Variants in ARIH2 observed in about 807,000 individuals in gnomAD.
ARIH2 encodes the protein E3 ubiquitin-protein ligase ARIH2.
Under a neutral mutation model 79.8 loss-of-function variants are expected in ARIH2, and 12 were observed. That is an observed-to-expected ratio of 0.15 (90% CI 0.10 to 0.24). The LOEUF (loss-of-function observed/expected upper bound fraction) is 0.24, where lower values mean the gene tolerates loss of function less well. Among genes scored for constraint, ARIH2 ranks in the 10% least tolerant of loss-of-function variants. ARIH2 has a pLI of 1.00. For synonymous variants in ARIH2, 224 were observed against 213.9 expected (o/e 1.05, Z -0.41); for missense variants, 301 against 618.3 (o/e 0.49, Z 5.44).
intron 4 of ARIH2, among the ~76,000 whole-genome samples, chr3:48,962,203 C>G (rs2091346525): frequency 6.6e-6 from 1 of 151,896 alleles, no homozygotes; most frequent in South Asian, 2.1e-4. Flanking sequence ...ATGATGAAAC[C>G]CCTTCTCTAC....
chr3:48,939,788 A>T (rs1350527854), intron 3 of ARIH2, among the ~76,000 whole-genome samples: 3 of 151,034 alleles, frequency 2.0e-5, no homozygotes, highest in Non-Finnish European at 4.4e-5. Flanking sequence ...AAAAACAAAA[A>T]AACAAAAAAA....
chr3:48,949,319 C>T (rs773151805), intron 3 of ARIH2, among the ~76,000 whole-genome samples: 3 of 152,088 alleles, frequency 2.0e-5, no homozygotes, highest in African/African-American at 7.2e-5. Flanking sequence ...GGGGTTTCAC[C>T]GTGTTAGCCA....
chr3:48,970,887 A>G (rs1022937203), intron 8 of ARIH2, 183 bp downstream of exon 8: 3 of 529,660 alleles, frequency 5.7e-6, no homozygotes, highest in East Asian at 3.2e-5. Context: ...TCTTCAATAC[A>G]TGCTCAGTCT....
chr3:48,979,380 T>G (rs2092672186), intron 11 of ARIH2, 102 bp from the exon 12 acceptor site: 1 of 1,316,302 alleles, frequency 7.6e-7, no homozygotes, highest in Middle Eastern at 2.6e-4. Context: ...TGTGTTCAGG[T>G]GACCCCTTTG....
Position 48,970,643 on chromosome 3 carries a change from A to G in ARIH2, c.709A>G (p.Ile237Val). The change falls in exon 8 of 16, where the codon ATT becomes GTT. Residue 237 changes from isoleucine (I) to valine (V), a missense_variant. Ile to Val is a conservative substitution (Grantham distance 29). This residue lies in a region of ARIH2 where 223 missense variants were observed against 349.4 expected (regional missense o/e 0.64). Transcript: ENST00000356401. ...CCCTGGTGCAGACTGCCCCATGGTTATTCGGGTACAGGAGCCTAGAGCTCG... is the reference window on the plus strand; with the variant it reads ...CCCTGGTGCAGACTGCCCCATGGTTGTTCGGGTACAGGAGCCTAGAGCTCG... ...LCPGADCPMV[I>V]RVQEPRARRV... 6.2e-7 allele frequency: 1 copy of G among 1,613,976 alleles called. No homozygotes were observed. Among genetic ancestry groups the G allele is most frequent in the East Asian group, 2.2e-5 (1 of 44,888 alleles).
At chr3:48,976,903 C>CAAA (rs377502253) in intron 11 of ARIH2, among the ~76,000 whole-genome samples, 2 of 134,956 alleles carry the variant, frequency 1.5e-5, no homozygotes, top group African/African-American at 2.7e-5. Context: ...GACTCTGTCT[C>CAAA]AAAAAAAAAA....
At chr3:48,962,409 T>C (rs1469522470) in intron 4 of ARIH2, among the ~76,000 whole-genome samples, 1 of 151,736 alleles carries the variant, frequency 6.6e-6, no homozygotes, top group Non-Finnish European at 1.5e-5. Flanking sequence ...ATAGGCTACT[T>C]TACCACCCAC....
chr3:48,943,860 T>C (rs1013677082), intron 3 of ARIH2, among the ~76,000 whole-genome samples: 3 of 152,194 alleles, frequency 2.0e-5, no homozygotes, highest in Non-Finnish European at 2.9e-5. Flanking sequence ...TGGCATTCCC[T>C]GTCTTTGCCT....
intron 3 of ARIH2, among the ~76,000 whole-genome samples, chr3:48,946,792 C>T (rs1222253544): frequency 1.3e-5 from 2 of 152,026 alleles, no homozygotes; most frequent in Non-Finnish European, 2.9e-5. Context: ...GCATGGGCTG[C>T]GCTTGGTCTC....
At chr3:48,919,074 G>A in intron 1 of ARIH2, 76 bp downstream of exon 1, 1 of 1,304,698 alleles carries the variant, frequency 7.7e-7, no homozygotes, top group Non-Finnish European at 9.7e-7. Flanking sequence ...CGCCTCCCTG[G>A]CCGGGCCGGG....
intron 11 of ARIH2, among the ~76,000 whole-genome samples, chr3:48,978,483 A>ATT (rs58279033): frequency 0.018 from 744 of 40,428 alleles, 15 homozygotes; most frequent in East Asian, 0.076. Flanking sequence ...ATATATATAT[A>ATT]TTTTTTTTTT....
chr3:48,951,057 G>A (rs1258961283), intron 3 of ARIH2, among the ~76,000 whole-genome samples: 1 of 151,206 alleles, frequency 6.6e-6, no homozygotes, highest in African/African-American at 2.4e-5. Flanking sequence ...CAACCTCCCA[G>A]GTTCAAGTGA....
intron 3 of ARIH2, among the ~76,000 whole-genome samples, chr3:48,958,747 C>T (rs941427077): frequency 2.0e-5 from 3 of 151,948 alleles, no homozygotes; most frequent in East Asian, 1.9e-4. Flanking sequence ...CTCAGTGGCT[C>T]ACACCTGTAA....
intron 3 of ARIH2, among the ~76,000 whole-genome samples, chr3:48,959,649 C>CAAAAAAAAAAA (rs71077758): frequency 0.01 from 502 of 50,078 alleles, 3 homozygotes; most frequent in East Asian, 0.016. Context: ...TAAAAAATAC[C>CAAAAAAAAAAA]AAAAAAAAAA....
At chr3:48,925,174 C>T (rs1360195152) in intron 2 of ARIH2, 4 of 148,828 alleles carry the variant, frequency 2.7e-5, no homozygotes, top group East Asian at 4.0e-4. Context: ...AGTGCAGTGG[C>T]GCGATCTCGG....
chr3:48,983,402 C>A lies in ARIH2; in HGVS notation c.*132C>A. ...GGGCCCCACTCCTGAGAGACACTGGCAACACCTCTTAGTTGATTTCTGTTT... is the reference window on the plus strand; with the variant it reads ...GGGCCCCACTCCTGAGAGACACTGGAAACACCTCTTAGTTGATTTCTGTTT... On this transcript the variant is annotated 3_prime_UTR_variant, in exon 16 of 16. Coordinates refer to ENST00000356401, the MANE Select transcript of ARIH2 (RefSeq NM_006321.4). 1.3e-6 allele frequency: 1 copy of A among 795,938 alleles called. No individual in the cohort carries two copies. The highest frequency in any genetic ancestry group is 2.1e-6 in the Non-Finnish European group (1 of 466,610). 49.3% of individuals were successfully genotyped at this position (795,938 alleles called of 1,614,324 possible). A position where few individuals can be genotyped will look rare whatever the true frequency, so the allele number is the denominator to read the frequency against.
intron 3 of ARIH2, among the ~76,000 whole-genome samples, chr3:48,933,568 G>A (rs1314032159): frequency 8.7e-6 from 1 of 115,136 alleles, no homozygotes; most frequent in Non-Finnish European, 1.7e-5. Flanking sequence ...TTTTTTAGTT[G>A]AGACGGACTC....
chr3:48,922,242 A>T (rs2084922673), intron 1 of ARIH2: 1 of 152,080 alleles, frequency 6.6e-6, no homozygotes. Flanking sequence ...AAAAAAAAGA[A>T]GTGGTCTTTC....
chr3:48,939,675 G>A (rs1345634961), intron 3 of ARIH2, among the ~76,000 whole-genome samples: 2 of 147,512 alleles, frequency 1.4e-5, no homozygotes, highest in Non-Finnish European at 3.0e-5. Flanking sequence ...GGAGAATGGC[G>A]TGAACCTGGG....
Sources: gnomAD v4.1 joint callset for allele counts (sites outside exome capture counted in the v4.1 genomes callset) on GRCh38, gnomAD v4.1.1 for gene constraint, gnomAD v4.1.1 regional missense constraint, MANE v1.5 for transcripts, NCBI Gene and HGNC (gene_info 2026-07-23, HGNC 2026-07-21) for gene names.